The following ARHGAP20 variants were observed in gnomAD, a reference collection of about 807,000 sequenced individuals.
ARHGAP20 encodes the protein Rho GTPase activating protein 20.
Under a neutral mutation model 73.7 loss-of-function variants are expected in ARHGAP20, and 34 were observed. The observed-to-expected ratio is 0.46, with a 90% CI of 0.35 to 0.61. The LOEUF is 0.61. Ranked by LOEUF, ARHGAP20 falls within the 20% of genes least tolerant of loss-of-function variation. The pLI is 0.00. For missense variants in ARHGAP20, 1,314 were observed against 1,420.9 expected (o/e 0.92, Z 1.21); for synonymous variants, 523 against 518.2 (o/e 1.01, Z -0.13).
intron 2 of ARHGAP20, among the ~76,000 whole-genome samples, chr11:110,660,063 A>AAAAAAAAAAAC (rs1387699838): frequency 3.7e-4 from 46 of 123,382 alleles, no homozygotes; most frequent in African/African-American, 1.4e-3. Context: ...ATAAAAAACA[A>AAAAAAAAAAAC]AAAAAAAAAA....
intron 9 of ARHGAP20, among the ~76,000 whole-genome samples, chr11:110,602,649 A>G (rs1948137774): frequency 6.6e-6 from 1 of 152,220 alleles, no homozygotes; most frequent in Non-Finnish European, 1.5e-5. Context: ...AGGGGTCCAG[A>G]GAAACTAGAT....
chr11:110,611,441 T>C, intron 6 of ARHGAP20, 55 bp from the exon 7 acceptor site: 1 of 902,596 alleles, frequency 1.1e-6, no homozygotes, highest in Non-Finnish European at 1.6e-6. Context: ...TAAAACAGGT[T>C]AACAAATAAT....
chr11:110,622,250 G>A (rs1376899107), intron 4 of ARHGAP20, among the ~76,000 whole-genome samples: 2 of 152,162 alleles, frequency 1.3e-5, no homozygotes, highest in East Asian at 3.8e-4. Context: ...AACTCACCCA[G>A]TACTTGTGCC....
chr11:110,661,740 T>C (rs7931617), intron 2 of ARHGAP20, among the ~76,000 whole-genome samples: 4,221 of 152,202 alleles, frequency 0.028, 150 homozygotes, highest in African/African-American at 0.08. Context: ...ATATAACATA[T>C]TAAGACACTG....
At chr11:110,583,053 A>G (rs1460373212) in intron 13 of ARHGAP20, among the ~76,000 whole-genome samples, 1 of 152,218 alleles carries the variant, frequency 6.6e-6, no homozygotes, top group African/African-American at 2.4e-5. Flanking sequence ...GCCAAGGGGC[A>G]GGAGAAATGT....
Position 110,577,948 on chromosome 11 carries a change from T to G in ARHGAP20, c.*1422A>C, listed in dbSNP as rs1714770035. The G allele has an allele frequency of 2.0e-6, 2 of 985,488 alleles. No individual in the cohort carries two copies. Among genetic ancestry groups the G allele is most frequent in the Non-Finnish European group, 2.4e-6 (2 of 829,890 alleles). 61.0% of individuals were successfully genotyped at this position (985,488 alleles called of 1,614,324 possible). On this transcript the variant is annotated 3_prime_UTR_variant, in exon 15 of 15. Coordinates refer to ENST00000683387, the MANE Select transcript of ARHGAP20 (RefSeq NM_001384657.1). ...ACAAATAATTTGGAATAAGCTAGCTTGTGAGAGAAAGGTCCATCTGATGGT... is the reference window on the plus strand; with the variant it reads ...ACAAATAATTTGGAATAAGCTAGCTGGTGAGAGAAAGGTCCATCTGATGGT...
At chr11:110,673,831 C>T (rs1949876116) in intron 2 of ARHGAP20, among the ~76,000 whole-genome samples, 1 of 152,150 alleles carries the variant, frequency 6.6e-6, no homozygotes, top group African/African-American at 2.4e-5. Flanking sequence ...AGATAGAAAA[C>T]TCTCAAAACA....
intron 9 of ARHGAP20, among the ~76,000 whole-genome samples, chr11:110,602,509 A>G (rs1368314597): frequency 1.3e-5 from 2 of 152,204 alleles, no homozygotes; most frequent in African/African-American, 4.8e-5. Flanking sequence ...TTCCCTCACA[A>G]AAATAAAAAT....
Position 110,580,539 on chromosome 11 carries a change from C to T in ARHGAP20, c.2407G>A (p.Val803Met). 6.2e-7 allele frequency: 1 copy of T among 1,614,196 alleles called. No homozygotes were observed. The highest frequency in any genetic ancestry group is 8.5e-7 in the Non-Finnish European group (1 of 1,180,040). Reference sequence around the variant, plus strand: ...GAGGACATAGGACTATAAGATGCCACAGAAATGGCCACTGGCTTAGACTTA... The same window carrying T: ...GAGGACATAGGACTATAAGATGCCATAGAAATGGCCACTGGCTTAGACTTA... The part of the protein sequence containing the change: ...FPKSKPVAIS[V>M]ASYSPMSSQD... The change falls in exon 15 of 15, where the codon GTG becomes ATG. Residue 803 changes from valine (V) to methionine (M), a missense_variant. Transcript: ENST00000683387.
intron 12 of ARHGAP20, among the ~76,000 whole-genome samples, chr11:110,585,025 G>A (rs201304705): frequency 1.3e-3 from 174 of 138,788 alleles, no homozygotes; most frequent in Non-Finnish European, 2.3e-3. Flanking sequence ...GAACATATAT[G>A]TGAATATATG....
chr11:110,597,330 T>C (rs1396529452), intron 9 of ARHGAP20, among the ~76,000 whole-genome samples: 2 of 151,796 alleles, frequency 1.3e-5, no homozygotes, highest in Non-Finnish European at 2.9e-5. Flanking sequence ...CTAAACCTTT[T>C]CTGAAGTCCA....
chr11:110,694,307 A>G (rs1283283504), intron 1 of ARHGAP20, among the ~76,000 whole-genome samples: 3 of 151,842 alleles, frequency 2.0e-5, no homozygotes, highest in African/African-American at 7.2e-5. Flanking sequence ...TTATTAGGAA[A>G]GTATAACATG....
At chr11:110,671,640 G>T (rs1463163205) in intron 2 of ARHGAP20, among the ~76,000 whole-genome samples, 1 of 151,988 alleles carries the variant, frequency 6.6e-6, no homozygotes, top group Admixed American at 6.6e-5. Context: ...TTAGATTAAA[G>T]AATAGGTCAA....
chr11:110,622,184 T>C (rs964871149), intron 4 of ARHGAP20, among the ~76,000 whole-genome samples: 5 of 152,194 alleles, frequency 3.3e-5, no homozygotes, highest in Non-Finnish European at 5.9e-5. Flanking sequence ...GTTTTAGTTG[T>C]CCTACACCAT....
chr11:110,626,327 G>T (rs994078189), intron 3 of ARHGAP20, among the ~76,000 whole-genome samples: 3 of 152,108 alleles, frequency 2.0e-5, no homozygotes, highest in Non-Finnish European at 2.9e-5. Context: ...CCTTTCCCTA[G>T]ATCAATAAGG....
intron 4 of ARHGAP20, 22 bp downstream of exon 4, chr11:110,624,140 G>A (rs750484314): frequency 1.2e-6 from 2 of 1,602,150 alleles, no homozygotes; most frequent in Non-Finnish European, 1.7e-6. Context: ...CAGGTAAATA[G>A]AGGACAAGCT....
intron 2 of ARHGAP20, among the ~76,000 whole-genome samples, chr11:110,672,484 TC>T (rs1370638471): frequency 6.6e-6 from 1 of 151,966 alleles, no homozygotes; most frequent in Non-Finnish European, 1.5e-5. Context: ...ATTTTTTTTT[TC>T]TTTTCTTTCG....
intron 2 of ARHGAP20, among the ~76,000 whole-genome samples, chr11:110,684,105 T>C (rs993363102): frequency 2.0e-5 from 3 of 152,150 alleles, no homozygotes; most frequent in African/African-American, 4.8e-5. Flanking sequence ...AAATGTCTAA[T>C]ACTTATATAT....
intron 1 of ARHGAP20, among the ~76,000 whole-genome samples, chr11:110,701,615 T>G (rs1950454763): frequency 6.6e-6 from 1 of 152,136 alleles, no homozygotes; most frequent in South Asian, 2.1e-4. Context: ...TTTTGGCTTT[T>G]GTTGCCATTG....
Sources: gnomAD v4.1 joint callset for allele counts (sites outside exome capture counted in the v4.1 genomes callset) on GRCh38, gnomAD v4.1.1 for gene constraint, MANE v1.5 for transcripts, NCBI Gene and HGNC (gene_info 2026-07-23, HGNC 2026-07-21) for gene names.